Variants in CCSER1 observed in about 807,000 individuals in gnomAD.
CCSER1 encodes serine-rich coiled-coil domain-containing protein 1.
In CCSER1, 41 loss-of-function variants were observed where a neutral mutation model predicts 82.0. That is an observed-to-expected ratio of 0.50 (90% CI 0.39 to 0.65). CCSER1 has a LOEUF of 0.65. CCSER1 is among the 30% of genes least tolerant of loss of function. The pLI, the probability that CCSER1 is intolerant of heterozygous loss-of-function variation, is 0.00. For missense variants in CCSER1, 1,119 were observed against 1,064.2 expected, an observed-to-expected ratio of 1.05 and a Z score of -0.72; for synonymous variants, 414 against 383.9, an observed-to-expected ratio of 1.08 and a Z score of -0.92.
chr4:91,536,004 A>G (rs1410974954), intron 10 of CCSER1, among the ~76,000 whole-genome samples: 1 of 152,058 alleles, frequency 6.6e-6, no homozygotes, highest in African/African-American at 2.4e-5. Context: ...TATTTTAGTC[A>G]CAATTTGGAA....
intron 3 of CCSER1, among the ~76,000 whole-genome samples, chr4:90,347,903 T>C (rs527334300): frequency 6.6e-6 from 1 of 152,100 alleles, no homozygotes; most frequent in Non-Finnish European, 1.5e-5. Context: ...GGCTCTGATA[T>C]CCCAGTAAAC....
chr4:90,353,519 C>A (rs796715300), intron 3 of CCSER1, among the ~76,000 whole-genome samples: 2 of 152,084 alleles, frequency 1.3e-5, no homozygotes, highest in South Asian at 4.1e-4. Context: ...AAGGAAAATT[C>A]TTAAAGATGG....
chr4:91,406,813 A>G (rs1752732828), intron 10 of CCSER1, among the ~76,000 whole-genome samples: 3 of 152,194 alleles, frequency 2.0e-5, no homozygotes, highest in African/African-American at 7.2e-5. Context: ...ATAAAACTTG[A>G]GGCACTAGAC....
chr4:90,567,870 G>A (rs999226084), intron 5 of CCSER1, among the ~76,000 whole-genome samples: 1 of 152,126 alleles, frequency 6.6e-6, no homozygotes, highest in African/African-American at 2.4e-5. Flanking sequence ...GCCTCCCAAA[G>A]TGCTGGAATC....
chr4:91,204,547 T>C (rs1200454000), intron 10 of CCSER1, among the ~76,000 whole-genome samples: 1 of 151,932 alleles, frequency 6.6e-6, no homozygotes, highest in East Asian at 1.9e-4. Context: ...ACATCTACTC[T>C]GGCTAATTTC....
chr4:90,351,204 TA>T, intron 3 of CCSER1, among the ~76,000 whole-genome samples: 1 of 152,272 alleles, frequency 6.6e-6, no homozygotes, highest in Middle Eastern at 3.4e-3. Flanking sequence ...GGAACATTTT[TA>T]AAAAGCAATA....
At chr4:91,380,098 T>G (rs959663899) in intron 10 of CCSER1, among the ~76,000 whole-genome samples, 2 of 152,194 alleles carry the variant, frequency 1.3e-5, no homozygotes, top group Non-Finnish European at 2.9e-5. Flanking sequence ...TTGATTGCAC[T>G]GTGGTCTGAG....
intron 4 of CCSER1, among the ~76,000 whole-genome samples, chr4:90,448,795 C>T (rs1560533865): frequency 6.6e-6 from 1 of 152,068 alleles, no homozygotes; most frequent in Non-Finnish European, 1.5e-5. Context: ...TTCTCTCCTT[C>T]TCTCTTTTGT....
chr4:91,141,993 T>A (rs1027131218), intron 10 of CCSER1, among the ~76,000 whole-genome samples: 3 of 152,218 alleles, frequency 2.0e-5, no homozygotes, highest in African/African-American at 7.2e-5. Flanking sequence ...CCTTATAGAT[T>A]CTGGATATTA....
intron 5 of CCSER1, among the ~76,000 whole-genome samples, chr4:90,518,826 G>A (rs1260249769): frequency 6.6e-6 from 1 of 151,684 alleles, no homozygotes; most frequent in Admixed American, 6.6e-5. Context: ...TATATAGATA[G>A]GATAGTTATC....
At chr4:91,319,462 C>G (rs979659712) in intron 10 of CCSER1, among the ~76,000 whole-genome samples, 1 of 152,082 alleles carries the variant, frequency 6.6e-6, no homozygotes, top group South Asian at 2.1e-4. Flanking sequence ...AAGGTCTAGC[C>G]AGCCCTATAG....
At chr4:91,072,120 C>A (rs552649353) in intron 9 of CCSER1, among the ~76,000 whole-genome samples, 1 of 152,148 alleles carries the variant, frequency 6.6e-6, no homozygotes, top group East Asian at 1.9e-4. Flanking sequence ...TGACCCAAGT[C>A]CCTGGAGCAG....
At chr4:90,184,085 G>C (rs1257365547) in intron 1 of CCSER1, among the ~76,000 whole-genome samples, 1 of 152,230 alleles carries the variant, frequency 6.6e-6, no homozygotes. Flanking sequence ...ATAGCACCTA[G>C]GGGAGGAGAT....
At chr4:90,923,322 G>T (rs1402038320) in intron 8 of CCSER1, 48 bp from the exon 9 acceptor site, 1 of 1,276,142 alleles carries the variant, frequency 7.8e-7, no homozygotes, top group Non-Finnish European at 1.1e-6. Flanking sequence ...TAGTGTAGAA[G>T]TACACACCTC....
intron 10 of CCSER1, among the ~76,000 whole-genome samples, chr4:91,238,568 C>A (rs1739198133): frequency 6.6e-6 from 1 of 152,166 alleles, no homozygotes; most frequent in Admixed American, 6.5e-5. Flanking sequence ...AAATCTAACA[C>A]AAGGAGTCCA....
chr4:90,592,049 G>C (rs1015011119), intron 5 of CCSER1, among the ~76,000 whole-genome samples: 1 of 151,984 alleles, frequency 6.6e-6, no homozygotes, highest in African/African-American at 2.4e-5. Context: ...TGGGAGCAAG[G>C]GGACGGAGAG....
chr4:91,159,171 C>T (rs1030928060), intron 10 of CCSER1, among the ~76,000 whole-genome samples: 11 of 151,854 alleles, frequency 7.2e-5, no homozygotes, highest in African/African-American at 9.7e-5. Context: ...ACATGTTCTC[C>T]GGGCTTCAGC....
intron 10 of CCSER1, among the ~76,000 whole-genome samples, chr4:91,356,854 G>A (rs1002283540): frequency 1.1e-4 from 16 of 152,178 alleles, no homozygotes; most frequent in African/African-American, 3.4e-4. Context: ...GGATACAGCA[G>A]AGAGAGCTTG....
At chr4:91,462,902 T>G (rs944157387) in intron 10 of CCSER1, among the ~76,000 whole-genome samples, 11 of 152,148 alleles carry the variant, frequency 7.2e-5, no homozygotes, top group African/African-American at 2.4e-4. Flanking sequence ...CAAGGAGGCC[T>G]GCCTACCTCT....
Sources: allele counts gnomAD v4.1 joint callset (sites outside exome capture counted in the v4.1 genomes callset), GRCh38; gene constraint gnomAD v4.1.1; transcripts MANE v1.5; gene names NCBI Gene and HGNC (gene_info 2026-07-23, HGNC 2026-07-21).